The following PCDHB3 variants were observed in gnomAD, a reference collection of about 807,000 sequenced individuals.
PCDHB3 encodes the protein protocadherin beta 3, also known as protocadherin beta-3.
For synonymous variants in PCDHB3, 479 were observed against 456.0 expected (o/e 1.05, Z -0.64); for missense variants, 967 against 1,012.1 (o/e 0.96, Z 0.60).
chr5:141,101,448 TCTGA>T lies in PCDHB3; in HGVS notation c.802_805del (p.Asp268Ter). On this transcript the variant is annotated frameshift_variant, in exon 1 of 1. Transcript: ENST00000231130. LOFTEE classifies it low-confidence loss of function (END_TRUNC). ...CTCTGTCATTGTCACTGTCTCGGCT[TCTGA>T]CTTAGATACAGGAAGTTTTGGGACA... 2 of 1,614,232 alleles carry T rather than the reference TCTGA, an allele frequency of 1.2e-6. No homozygotes were observed. The highest frequency in any genetic ancestry group is 1.7e-6 in the Non-Finnish European group (2 of 1,180,042).
In PCDHB3 at chr5:141,101,685, G is replaced by A; in HGVS notation, c.1036G>A (p.Glu346Lys). 1 of 1,613,898 alleles carries A rather than the reference G, an allele frequency of 6.2e-7. No individual in the cohort carries two copies. The highest frequency in any genetic ancestry group is 8.5e-7 in the Non-Finnish European group (1 of 1,179,960). ...GGTTGATGTCAACGACAACCCACCG[G>A]AACTGACCTTGTCTTCAGTAAACAG... is the stretch of plus-strand genomic sequence containing the variant. ...QVVDVNDNPP[E>K]LTLSSVNSPI... The change falls in exon 1 of 1, where the codon GAA becomes AAA. Residue 346 changes from glutamate to lysine, a missense_variant. Glu to Lys is a moderately conservative substitution (Grantham distance 56). Coordinates refer to ENST00000231130, the MANE Select transcript of PCDHB3 (RefSeq NM_018937.5).
Position 141,102,101 on chromosome 5 carries a change from C to T in PCDHB3, c.1452C>T (p.Ala484=), listed in dbSNP as rs1554272474. ...SATDRDSGTN[A]QVTYSLLPPQ... is the part of the protein sequence containing the mutation. ...CAGACAGAGACTCAGGCACCAACGC[C>T]CAGGTAACCTACTCGCTGCTGCCGC... Residue 484 remains alanine, a synonymous_variant, in exon 1 of 1, where the codon GCC becomes GCT. Coordinates refer to ENST00000231130, the MANE Select transcript of PCDHB3 (RefSeq NM_018937.5). The T allele has an allele frequency of 5.6e-6, 9 of 1,612,942 alleles. No homozygotes were observed. Among genetic ancestry groups the T allele is most frequent in the African/African-American group, 1.3e-5 (1 of 75,016 alleles).
rs1210943436 is a variant in PCDHB3 at position 141,101,248 on chromosome 5, T to G, written c.599T>G (p.Leu200Arg). 6.2e-7 allele frequency: 1 copy of G among 1,614,158 alleles called. No individual in the cohort carries two copies. Among genetic ancestry groups the G allele is most frequent in the Non-Finnish European group, 8.5e-7 (1 of 1,180,038 alleles). ...CCGGAACTAGTACTGGATAAAGCGCTCGATCCGGAGGAGCAGCCGGAACTC... is the reference window on the plus strand; with the variant it reads ...CCGGAACTAGTACTGGATAAAGCGCGCGATCCGGAGGAGCAGCCGGAACTC... ...KYPELVLDKA[L>R]DPEEQPELSL... is the part of the protein sequence containing the mutation. The change falls in exon 1 of 1, where the codon CTC (leucine) becomes CGC (arginine). Residue 200 changes from leucine to arginine, a missense_variant. Leu to Arg is a moderately radical substitution (Grantham distance 102). Transcript: ENST00000231130.
chr5:141,101,684 G>T lies in PCDHB3; in HGVS notation c.1035G>T (p.Pro345=). The T allele has an allele frequency of 6.2e-7, 1 of 1,613,874 alleles. No homozygotes were observed. Among genetic ancestry groups the T allele is most frequent in the South Asian group, 1.1e-5 (1 of 91,070 alleles). Residue 345 remains proline (P), a synonymous_variant, in exon 1 of 1, where the codon CCG becomes CCT. Coordinates refer to ENST00000231130, the MANE Select transcript of PCDHB3 (RefSeq NM_018937.5). ...TGGTTGATGTCAACGACAACCCACC[G>T]GAACTGACCTTGTCTTCAGTAAACA... ...VQVVDVNDNP[P]ELTLSSVNSP...
Position 141,102,197 on chromosome 5 carries a change from C to G in PCDHB3, c.1548C>G (p.Leu516=). 6.2e-7 allele frequency: 1 copy of G among 1,612,906 alleles called. No homozygotes were observed. The highest frequency in any genetic ancestry group is 8.5e-7 in the Non-Finnish European group (1 of 1,179,920). Residue 516 remains leucine, a synonymous_variant, in exon 1 of 1, where the codon CTC becomes CTG. Coordinates refer to ENST00000231130, the MANE Select transcript of PCDHB3 (RefSeq NM_018937.5). ...INADNGHLFA[L]RSLDYEALQA... ...CGGACAACGGCCACCTGTTTGCCCT[C>G]AGGTCGCTGGACTACGAGGCCCTGC...
chr5:141,102,917 T>C lies in PCDHB3; in HGVS notation c.2268T>C (p.Thr756=). 7 of 1,613,404 alleles carry C rather than the reference T, an allele frequency of 4.3e-6. No individual in the cohort carries two copies. The highest frequency in any genetic ancestry group is 5.9e-6 in the Non-Finnish European group (7 of 1,179,508). The change falls in exon 1 of 1, where the codon ACT becomes ACC. Residue 756 remains threonine (T), a synonymous_variant. Coordinates refer to ENST00000231130, the MANE Select transcript of PCDHB3 (RefSeq NM_018937.5). ...GCTACCAGTACGAGGTGTGTCTGAC[T>C]GGAGGCTCCGGGACAAATGAGTTCA... The part of the protein sequence containing the change: ...SQSYQYEVCL[T]GGSGTNEFKF...
In PCDHB3 at chr5:141,101,601, G is replaced by A. The variant is rs781949600; in HGVS notation, c.952G>A (p.Asp318Asn). Residue 318 changes from aspartate to asparagine, a missense_variant, in exon 1 of 1, where the codon GAC (aspartate) becomes AAC (asparagine). Transcript: ENST00000231130. ...NFEAINSYEV[D>N]IEAKDGGGLS... ...TGAAGCGATTAATAGTTATGAAGTC[G>A]ACATCGAGGCCAAGGATGGCGGAGG... The A allele has an allele frequency of 6.2e-7, 1 of 1,614,086 alleles. No individual in the cohort carries two copies.
chr5:141,100,731 T>G lies in PCDHB3; in HGVS notation c.82T>G (p.Ser28Ala). Residue 28 changes from serine (S) to alanine (A), a missense_variant, in exon 1 of 1, where the codon TCC becomes GCC. Ser to Ala is a moderately conservative substitution (Grantham distance 99). Transcript: ENST00000231130. ...FVFLGGSLAG[S>A]ESRRYSVAEE... Reference sequence around the variant, plus strand: ...TTTTCTGGGAGGGTCTCTGGCTGGGTCCGAGTCAAGACGCTATTCTGTGGC... The same window carrying G: ...TTTTCTGGGAGGGTCTCTGGCTGGGGCCGAGTCAAGACGCTATTCTGTGGC... 1 of 1,614,018 alleles carries G rather than the reference T, an allele frequency of 6.2e-7. No individual in the cohort carries two copies. Among genetic ancestry groups the G allele is most frequent in the South Asian group, 1.1e-5 (1 of 91,074 alleles).
Position 141,101,388 on chromosome 5 carries a change from T to C in PCDHB3, c.739T>C (p.Tyr247His). 1 of 1,613,632 alleles carries C rather than the reference T, an allele frequency of 6.2e-7. No homozygotes were observed. Among genetic ancestry groups the C allele is most frequent in the Non-Finnish European group, 8.5e-7 (1 of 1,179,456 alleles). The change falls in exon 1 of 1, where the codon TAT (tyrosine) becomes CAT (histidine). Residue 247 changes from tyrosine to histidine, a missense_variant. Tyr to His is a moderately conservative substitution (Grantham distance 83, BLOSUM62 2). Transcript: ENST00000231130. ...TGCACCAGAATTTGCACAGCCGCTCTATGAGGTTGCAGTTCTAGAGAATAC... is the reference window on the plus strand; with the variant it reads ...TGCACCAGAATTTGCACAGCCGCTCCATGAGGTTGCAGTTCTAGAGAATAC... ...DNAPEFAQPLYEVAVLENTPV... is the reference protein window; with the variant it reads ...DNAPEFAQPLHEVAVLENTPV...
Position 141,102,838 on chromosome 5 carries a change from G to A in PCDHB3, c.2189G>A (p.Gly730Asp), listed in dbSNP as rs782340018. Residue 730 changes from glycine (G) to aspartate (D), a missense_variant, in exon 1 of 1, where the codon GGC (glycine) becomes GAC (aspartate). Gly to Asp is a moderately conservative substitution (Grantham distance 94). Coordinates refer to ENST00000231130, the MANE Select transcript of PCDHB3 (RefSeq NM_018937.5). The part of the protein sequence containing the change: ...ASVGRCSVPE[G>D]PFPGQMVDVS... ...GTGGGTCGCTGCTCGGTGCCCGAGGGCCCCTTTCCAGGGCAGATGGTGGAC... is the reference window on the plus strand; with the variant it reads ...GTGGGTCGCTGCTCGGTGCCCGAGGACCCCTTTCCAGGGCAGATGGTGGAC... 8.1e-6 allele frequency: 13 copies of A among 1,612,948 alleles called. No homozygotes were observed. The highest frequency in any genetic ancestry group is 6.7e-5 in the African/African-American group (5 of 74,894).
In PCDHB3 at chr5:141,101,625, G is replaced by A. The variant is rs983390299; in HGVS notation, c.976G>A (p.Gly326Ser). 24 of 1,613,990 alleles carry A rather than the reference G, an allele frequency of 1.5e-5. No individual in the cohort carries two copies. Among genetic ancestry groups the A allele is most frequent in the Admixed American group, 1.2e-4 (7 of 60,006 alleles). The change falls in exon 1 of 1, where the codon GGC becomes AGC. Residue 326 changes from glycine to serine, a missense_variant. Transcript: ENST00000231130. ...EVDIEAKDGG[G>S]LSGKSTVIVQ... The stretch of plus-strand genomic sequence containing the variant: ...CGACATCGAGGCCAAGGATGGCGGA[G>A]GCCTATCCGGAAAGTCTACAGTCAT...
rs1752005179 is a variant in PCDHB3, at chr5:141,103,111, T to C, written c.*71T>C. On this transcript the variant is annotated 3_prime_UTR_variant, in exon 1 of 1. Transcript: ENST00000231130. ...AAGTCCTTTTTTACTGCTTTGTCCA[T>C]TGGAGAGGTCTTTTTTGGTCTGGTT... The C allele has an allele frequency of 6.6e-7, 1 of 1,514,944 alleles. No homozygotes were observed. The highest frequency in any genetic ancestry group is 8.9e-7 in the Non-Finnish European group (1 of 1,129,458). The allele number at this position is 1,514,944 out of a possible 1,614,324, so 93.8% of individuals were successfully genotyped here. A position where few individuals can be genotyped will look rare whatever the true frequency, so the allele number is the denominator to read the frequency against.
rs1554272804 is a variant in PCDHB3, at chr5:141,103,797, GA to G, written c.*764del. ...CTAAAGTGTGTTCATGATGACTGAG[GA>G]AAAAAATTAAACCTATGCCATTTAA... On this transcript the variant is annotated 3_prime_UTR_variant, in exon 1 of 1. Transcript: ENST00000231130. 1 of 151,838 alleles carries G rather than the reference GA, an allele frequency of 6.6e-6. No homozygotes were observed. The allele number at this position is 151,838 out of a possible 1,614,324, so 9.4% of individuals were successfully genotyped here. A position where few individuals can be genotyped will look rare whatever the true frequency, so the allele number is the denominator to read the frequency against.
rs1419845098 is a variant in PCDHB3, at chr5:141,102,854, G to T, written c.2205G>T (p.Gln735His). ...TGCCCGAGGGCCCCTTTCCAGGGCA[G>T]ATGGTGGACGTGAGCGGCACCGGGA... ...CSVPEGPFPG[Q>H]MVDVSGTGTL... Residue 735 changes from glutamine to histidine, a missense_variant, in exon 1 of 1, where the codon CAG (glutamine) becomes CAT (histidine). By Grantham distance (24) the Gln-to-His change is conservative. Transcript: ENST00000231130. 2.3e-5 allele frequency: 37 copies of T among 1,613,368 alleles called. No individual in the cohort carries two copies. The highest frequency in any genetic ancestry group is 2.0e-4 in the East Asian group (9 of 44,864).
chr5:141,101,308 C>T lies in PCDHB3; in HGVS notation c.659C>T (p.Pro220Leu). The part of the protein sequence containing the change: ...LTLTALDGGS[P>L]PRSGTAQINI... ...CTCACCGCGCTGGACGGCGGCTCTCCCCCTCGGTCTGGGACAGCCCAGATA... is the reference window on the plus strand; with the variant it reads ...CTCACCGCGCTGGACGGCGGCTCTCTCCCTCGGTCTGGGACAGCCCAGATA... Residue 220 changes from proline to leucine, a missense_variant, in exon 1 of 1, where the codon CCC becomes CTC. Physicochemically the swap from Pro to Leu is moderately conservative, Grantham distance 98. Transcript: ENST00000231130. 6.2e-7 allele frequency: 1 copy of T among 1,614,040 alleles called. No homozygotes were observed. The highest frequency in any genetic ancestry group is 8.5e-7 in the Non-Finnish European group (1 of 1,180,012).
Position 141,103,034 on chromosome 5 carries a change from C to T in PCDHB3, c.2385C>T (p.Phe795=), listed in dbSNP as rs782259358. The change falls in exon 1 of 1, where the codon TTC becomes TTT. Residue 795 remains phenylalanine (F), a synonymous_variant. Transcript: ENST00000231130. ...CCAGTTTCAGGAAGAGCTTTGAATT[C>T]AGTTAAGTGTTAATAAGGATCTACT... is the stretch of plus-strand genomic sequence containing the variant. ...ANPSFRKSFE[F]S 10 of 1,607,124 alleles carry T rather than the reference C, an allele frequency of 6.2e-6. No individual in the cohort carries two copies. The highest frequency in any genetic ancestry group is 2.2e-5 in the South Asian group (2 of 89,810).
Position 141,102,144 on chromosome 5 carries a change from C to A in PCDHB3, c.1495C>A (p.Pro499Thr), listed in dbSNP as rs782365986. 17 of 1,613,056 alleles carry A rather than the reference C, an allele frequency of 1.1e-5. No homozygotes were observed. In the South Asian group the frequency reaches 1.6e-4, roughly 16 times the overall value. The change falls in exon 1 of 1, where the codon CCC (proline) becomes ACC (threonine). Residue 499 changes from proline to threonine, a missense_variant. Transcript: ENST00000231130. ...GCTGCCGCCCCAGGACCCGCACCTG[C>A]CCCTCTCTTCCCTGGTCTCCATCAA... ...SLLPPQDPHL[P>T]LSSLVSINAD...
Position 141,100,542 on chromosome 5 carries a change from C to T in PCDHB3, c.-108C>T, listed in dbSNP as rs567921717. 8.5e-5 allele frequency: 75 copies of T among 885,904 alleles called. 2 individuals carry two copies. The South Asian group carries it at 1.2e-3, about 14-fold the overall frequency. The allele number at this position is 885,904 out of a possible 1,614,324, so 54.9% of individuals were successfully genotyped here. On this transcript the variant is annotated 5_prime_UTR_variant, in exon 1 of 1. Transcript: ENST00000231130. ...CAGCAAGTCTGAGCCTCTGGAAAGG[C>T]TTATTCACTAGGCCGTCTACAAAGG...
In PCDHB3 at chr5:141,101,522, T is replaced by G; in HGVS notation, c.873T>G (p.Thr291=). The change falls in exon 1 of 1, where the codon ACT becomes ACG. Residue 291 remains threonine, a synonymous_variant. Coordinates refer to ENST00000231130, the MANE Select transcript of PCDHB3 (RefSeq NM_018937.5). ...FFHASEEIRK[T]FQLNPITGDM... Reference sequence around the variant, plus strand: ...ATGCTTCTGAAGAAATTCGCAAAACTTTTCAGCTAAATCCAATTACTGGTG... The same window carrying G: ...ATGCTTCTGAAGAAATTCGCAAAACGTTTCAGCTAAATCCAATTACTGGTG... 6.2e-7 allele frequency: 1 copy of G among 1,614,128 alleles called. No individual in the cohort carries two copies. Among genetic ancestry groups the G allele is most frequent in the Non-Finnish European group, 8.5e-7 (1 of 1,179,994 alleles).
Sources: allele counts gnomAD v4.1 joint callset, GRCh38; gene constraint gnomAD v4.1.1; transcripts MANE v1.5; gene names NCBI Gene and HGNC (gene_info 2026-07-23, HGNC 2026-07-21).